MEGF9: variants seen among roughly 807,000 people sequenced by gnomAD.
MEGF9 encodes the protein multiple EGF like domains 9, also known as multiple epidermal growth factor-like domains protein 9.
In MEGF9, 6 loss-of-function variants were observed where a neutral mutation model predicts 46.8. The observed-to-expected ratio is 0.13, with a 90% CI of 0.07 to 0.25. The LOEUF (loss-of-function observed/expected upper bound fraction) is 0.25. Among genes scored for constraint, MEGF9 ranks in the 10% least tolerant of loss-of-function variants. The probability of loss-of-function intolerance (pLI) is 1.00; values close to 1 mark genes in which losing one functional copy is unlikely to be tolerated. For synonymous variants in MEGF9, 302 were observed against 330.7 expected (o/e 0.91, Z 0.94); for missense variants, 683 against 792.4 (o/e 0.86, Z 1.66).
intron 1 of MEGF9, among the ~76,000 whole-genome samples, chr9:120,670,611 G>A (rs902362449): frequency 2.0e-5 from 3 of 152,130 alleles, no homozygotes; most frequent in Non-Finnish European, 4.4e-5. Flanking sequence ...CCATCCCACT[G>A]TACAACCAGC....
chr9:120,677,582 C>T (rs1361445818), intron 1 of MEGF9, among the ~76,000 whole-genome samples: 1 of 152,200 alleles, frequency 6.6e-6, no homozygotes, highest in Non-Finnish European at 1.5e-5. Context: ...TACACCTTAA[C>T]ATACTGTTCA....
chr9:120,616,714 T>C (rs2043474663), intron 3 of MEGF9, among the ~76,000 whole-genome samples: 1 of 150,798 alleles, frequency 6.6e-6, no homozygotes, highest in African/African-American at 2.4e-5. Context: ...GTATGGGAAT[T>C]AATGTCAAAT....
rs545035461 is a variant in MEGF9 at position 120,623,975 on chromosome 9, C to T, written c.804-1220G>A. Among the ~76,000 whole-genome samples, 30 of 152,316 alleles carry T rather than the reference C, an allele frequency of 2.0e-4. No individual in the cohort carries two copies. In the South Asian group the frequency reaches 6.2e-3, roughly 32 times the overall value. On this transcript the variant is annotated intron_variant, in intron 2 of 5. Coordinates refer to ENST00000373930, the MANE Select transcript of MEGF9 (RefSeq NM_001080497.3). ...ACTTTCAATGATGGTGTTTGCCTAA[C>T]CCACAACCTACAAGAAGAAGGTATT...
chr9:120,701,815 C>T (rs918531142), intron 1 of MEGF9, among the ~76,000 whole-genome samples: 1 of 152,224 alleles, frequency 6.6e-6, no homozygotes, highest in South Asian at 2.1e-4. Flanking sequence ...GAGGCCAAGG[C>T]GGGCGGATCA....
rs2043416308 is a variant in MEGF9, at chr9:120,605,421, C to T, written c.1578G>A (p.Val526=). Residue 526 remains valine, a synonymous_variant, in exon 6 of 6, where the codon GTG becomes GTA. Transcript: ENST00000373930. The surrounding 1 kb of genome is among the most constrained non-coding windows in gnomAD (Gnocchi z 4.0). ...CAGCCCCCACAAATCCCATTAGCAG[C>T]ACCACAACAATGATGATGACTGTCA... ...IILTVIIIVV[V]LLMGFVGAVY... 6.2e-7 allele frequency: 1 copy of T among 1,614,034 alleles called. No homozygotes were observed. Among genetic ancestry groups the T allele is most frequent in the Non-Finnish European group, 8.5e-7 (1 of 1,179,912 alleles).
At chr9:120,712,311 T>C (rs891582574) in intron 1 of MEGF9, among the ~76,000 whole-genome samples, 3 of 152,128 alleles carry the variant, frequency 2.0e-5, no homozygotes, top group Non-Finnish European at 2.9e-5. Context: ...ATGAGTTAAG[T>C]ACTACTATAA....
At chr9:120,658,507 A>G (rs1401899125) in intron 2 of MEGF9, among the ~76,000 whole-genome samples, 1 of 152,220 alleles carries the variant, frequency 6.6e-6, no homozygotes, top group African/African-American at 2.4e-5. Context: ...CATTTTATAT[A>G]TATCAACTCA....
chr9:120,688,169 A>G (rs1381944050), intron 1 of MEGF9, among the ~76,000 whole-genome samples: 1 of 138,012 alleles, frequency 7.2e-6, no homozygotes, highest in East Asian at 2.1e-4. Context: ...ACACACACAC[A>G]CGCACGCACA....
chr9:120,707,183 T>C (rs2043932757), intron 1 of MEGF9, among the ~76,000 whole-genome samples: 1 of 152,224 alleles, frequency 6.6e-6, no homozygotes, highest in Non-Finnish European at 1.5e-5. Context: ...ATAAGGCACA[T>C]AGAACAGTGC....
chr9:120,707,543 A>G (rs1564432450), intron 1 of MEGF9, among the ~76,000 whole-genome samples: 1 of 152,208 alleles, frequency 6.6e-6, no homozygotes, highest in Non-Finnish European at 1.5e-5. Flanking sequence ...AACACATCCA[A>G]CCCAGAGGTT....
chr9:120,625,123 T>C (rs2132305364), intron 2 of MEGF9, among the ~76,000 whole-genome samples: 1 of 152,224 alleles, frequency 6.6e-6, no homozygotes, highest in African/African-American at 2.4e-5. Context: ...AACAGCTGGG[T>C]CCACTTATCT....
At chr9:120,686,005 T>C (rs1465251702) in intron 1 of MEGF9, among the ~76,000 whole-genome samples, 1 of 151,866 alleles carries the variant, frequency 6.6e-6, no homozygotes, top group South Asian at 2.1e-4. Flanking sequence ...TTATGAAGTA[T>C]CTAAAGTAGT....
At chr9:120,651,657 T>TC (rs1172675806) in intron 2 of MEGF9, among the ~76,000 whole-genome samples, 1 of 150,896 alleles carries the variant, frequency 6.6e-6, no homozygotes, top group African/African-American at 2.4e-5. Context: ...TAATAGGATT[T>TC]TTTTTTTTTT....
chr9:120,652,592 A>G (rs1011204641), intron 2 of MEGF9, among the ~76,000 whole-genome samples: 2 of 141,252 alleles, frequency 1.4e-5, no homozygotes, highest in South Asian at 2.1e-4. Flanking sequence ...GGACACAGGC[A>G]CACACACACA....
intron 2 of MEGF9, among the ~76,000 whole-genome samples, chr9:120,628,265 T>C (rs564066587): frequency 2.3e-4 from 35 of 152,146 alleles, no homozygotes; most frequent in Non-Finnish European, 4.1e-4. Flanking sequence ...GGCAAAAGAT[T>C]ATCTGAATTT....
chr9:120,706,700 T>C (rs1006603430), intron 1 of MEGF9, among the ~76,000 whole-genome samples: 4 of 152,022 alleles, frequency 2.6e-5, no homozygotes, highest in Non-Finnish European at 4.4e-5. Context: ...CTAGGCGTGG[T>C]GGTGCACACC....
At chr9:120,658,779 A>G (rs1383076893) in intron 2 of MEGF9, among the ~76,000 whole-genome samples, 1 of 152,240 alleles carries the variant, frequency 6.6e-6, no homozygotes, top group African/African-American at 2.4e-5. Flanking sequence ...ATAACAGTAC[A>G]TTATTCCACT....
intron 2 of MEGF9, among the ~76,000 whole-genome samples, chr9:120,642,451 C>T (rs1167782114): frequency 1.3e-5 from 2 of 152,106 alleles, no homozygotes; most frequent in Non-Finnish European, 1.5e-5. Context: ...TATGCCATGT[C>T]GCTAAGTAAT....
Position 120,714,009 on chromosome 9 carries a change from T to C in MEGF9, c.350A>G (p.Gln117Arg), listed in dbSNP as rs1397798126. The C allele has an allele frequency of 2.9e-6, 4 of 1,379,036 alleles. No homozygotes were observed. The highest frequency in any genetic ancestry group is 1.7e-5 in the South Asian group (1 of 57,166). The allele number at this position is 1,379,036 out of a possible 1,614,324, so 85.4% of individuals were successfully genotyped here. A position where few individuals can be genotyped will look rare whatever the true frequency, so the allele number is the denominator to read the frequency against. The part of the protein sequence containing the change: ...ATAGPSSTTF[Q>R]APLGPSPTTP... Reference sequence around the variant, plus strand: ...GGTCGGCGAGGGGCCGAGCGGCGCCTGAAAGGTGGTGGAAGAGGGTCCAGC... The same window carrying C: ...GGTCGGCGAGGGGCCGAGCGGCGCCCGAAAGGTGGTGGAAGAGGGTCCAGC... Residue 117 changes from glutamine (Q) to arginine (R), a missense_variant, in exon 1 of 6, where the codon CAG becomes CGG. Around this residue, in one of 2 missense-constraint regions of MEGF9, gnomAD observed 370 missense variants for 371.3 expected, o/e 1.00. Coordinates refer to ENST00000373930, the MANE Select transcript of MEGF9 (RefSeq NM_001080497.3).
Sources: gnomAD v4.1 joint callset for allele counts (sites outside exome capture counted in the v4.1 genomes callset) on GRCh38, gnomAD v4.1.1 for gene constraint, gnomAD v4.1.1 regional missense constraint, Gnocchi (gnomAD v3.1) non-coding constraint, MANE v1.5 for transcripts, NCBI Gene and HGNC (gene_info 2026-07-23, HGNC 2026-07-21) for gene names.